The following C8orf34 variants were observed in gnomAD, a reference collection of about 807,000 sequenced individuals.
C8orf34 encodes the protein uncharacterized protein C8orf34.
A neutral mutation model predicts 68.3 loss-of-function variants in C8orf34; 65 were observed. That is an observed-to-expected ratio of 0.95 (90% CI 0.78 to 1.17). The LOEUF is 1.17. Among genes scored for constraint, C8orf34 ranks in the 50% most tolerant of loss-of-function variants. The pLI is 0.00. For synonymous variants in C8orf34, 244 were observed against 241.2 expected, an observed-to-expected ratio of 1.01 and a Z score of -0.11; for missense variants, 664 against 655.4, an observed-to-expected ratio of 1.01 and a Z score of -0.14.
At chr8:68,595,621 C>G (rs940309333) in intron 7 of C8orf34, among the ~76,000 whole-genome samples, 6 of 152,066 alleles carry the variant, frequency 3.9e-5, no homozygotes, top group Admixed American at 3.3e-4. Context: ...AATCTGAGGA[C>G]TTGTATGTTT....
At chr8:68,661,219 G>T (rs927073216) in intron 8 of C8orf34, among the ~76,000 whole-genome samples, 1 of 152,216 alleles carries the variant, frequency 6.6e-6, no homozygotes, top group Non-Finnish European at 1.5e-5. Flanking sequence ...GGGAGCAGAT[G>T]GCAGTCTCTG....
intron 12 of C8orf34, among the ~76,000 whole-genome samples, chr8:68,790,646 T>A (rs1823968570): frequency 6.6e-6 from 1 of 152,218 alleles, no homozygotes; most frequent in African/African-American, 2.4e-5. Context: ...TTTTTTTCTT[T>A]GCTTTTAATT....
rs1040655157 is a variant in C8orf34 at position 68,432,446 on chromosome 8, G to A, written c.328-7053G>A. On this transcript the variant is annotated intron_variant, in intron 1 of 13. Coordinates refer to ENST00000518698, the MANE Select transcript of C8orf34 (RefSeq NM_052958.4). The stretch of plus-strand genomic sequence containing the variant: ...CTGCCTCAGCTTCCCACATAGCTGG[G>A]GTTACAGATGCACACCACCATGGCC... Among the ~76,000 whole-genome samples, 8 of 151,924 alleles carry A rather than the reference G, an allele frequency of 5.3e-5. No individual in the cohort carries two copies. The South Asian group carries it at 8.3e-4, about 16-fold the overall frequency.
intron 10 of C8orf34, among the ~76,000 whole-genome samples, chr8:68,744,728 A>T (rs1304104771): frequency 6.6e-6 from 1 of 152,210 alleles, no homozygotes; most frequent in Non-Finnish European, 1.5e-5. Flanking sequence ...GAAATATGGG[A>T]CTATGTGAAA....
At chr8:68,776,095 C>T (rs953130402) in intron 10 of C8orf34, among the ~76,000 whole-genome samples, 3 of 152,146 alleles carry the variant, frequency 2.0e-5, no homozygotes, top group African/African-American at 7.2e-5. Flanking sequence ...CAGCAAACCA[C>T]CATGGCACAT....
chr8:68,610,391 T>C (rs1436189191), intron 7 of C8orf34, among the ~76,000 whole-genome samples: 1 of 152,178 alleles, frequency 6.6e-6, no homozygotes, highest in Non-Finnish European at 1.5e-5. Context: ...TATGTAGTGA[T>C]TCTCTCAAAT....
chr8:68,535,554 A>G (rs11984521), intron 7 of C8orf34: 5 of 873,948 alleles, frequency 5.7e-6, no homozygotes, highest in African/African-American at 5.5e-5. Context: ...AGTTAGTAAT[A>G]ACTATTGACT....
chr8:68,612,656 A>G (rs529772565), intron 7 of C8orf34, among the ~76,000 whole-genome samples: 1 of 152,300 alleles, frequency 6.6e-6, no homozygotes, highest in African/African-American at 2.4e-5. Context: ...AAGACCTATA[A>G]TATGGCACTA....
intron 1 of C8orf34, among the ~76,000 whole-genome samples, chr8:68,378,914 C>T (rs1049616519): frequency 2.0e-5 from 3 of 152,054 alleles, no homozygotes; most frequent in South Asian, 2.1e-4. Context: ...ACATTAAAAA[C>T]ATCCGGTTAA....
chr8:68,738,496 A>G (rs1822185435), intron 10 of C8orf34, among the ~76,000 whole-genome samples: 1 of 152,104 alleles, frequency 6.6e-6, no homozygotes, highest in Non-Finnish European at 1.5e-5. Flanking sequence ...AGATCAGTGA[A>G]TTCAGGAGTT....
At chr8:68,545,444 A>G (rs1446159609) in intron 7 of C8orf34, among the ~76,000 whole-genome samples, 1 of 152,162 alleles carries the variant, frequency 6.6e-6, no homozygotes, top group Non-Finnish European at 1.5e-5. Context: ...TACATATTAT[A>G]GTCAAACTGC....
intron 10 of C8orf34, among the ~76,000 whole-genome samples, chr8:68,738,719 CCCAAGAATAAA>C (rs1248590811): frequency 1.3e-5 from 2 of 152,016 alleles, no homozygotes; most frequent in African/African-American, 4.8e-5. Context: ...CATACATCCT[CCCAAGAATAAA>C]CCAAGAAGAA....
At chr8:68,418,690 A>G (rs1809794353) in intron 1 of C8orf34, among the ~76,000 whole-genome samples, 1 of 152,204 alleles carries the variant, frequency 6.6e-6, no homozygotes, top group Non-Finnish European at 1.5e-5. Flanking sequence ...ATCTACAACT[A>G]TCTGATCTTT....
At chr8:68,544,957 T>C (rs1815823075) in intron 7 of C8orf34, among the ~76,000 whole-genome samples, 1 of 152,106 alleles carries the variant, frequency 6.6e-6, no homozygotes, top group Admixed American at 6.6e-5. Context: ...AGAAAAATAA[T>C]GGAAAAAAAC....
At position 68,674,773 on chromosome 8, in the gene C8orf34, A is replaced by G. The variant is rs993765860; in HGVS notation, c.1242-34221A>G. ...TTTTCAAACCTAGATAAAGATATCAATGTCCACGTACAAGAAGGTTATAGA... is the reference window on the plus strand; with the variant it reads ...TTTTCAAACCTAGATAAAGATATCAGTGTCCACGTACAAGAAGGTTATAGA... On this transcript the variant is annotated intron_variant, in intron 8 of 13. Transcript: ENST00000518698. Among the ~76,000 whole-genome samples the G allele has an allele frequency of 3.9e-5, 6 of 152,276 alleles. No homozygotes were observed. In the South Asian group the frequency reaches 6.2e-4, roughly 16 times the overall value.
intron 4 of C8orf34, among the ~76,000 whole-genome samples, chr8:68,484,864 A>G (rs1319444674): frequency 6.6e-6 from 1 of 152,252 alleles, no homozygotes; most frequent in Non-Finnish European, 1.5e-5. Context: ...AGAATTACAG[A>G]TAATAGAGTG....
At chr8:68,654,222 A>G (rs1293082305) in intron 8 of C8orf34, among the ~76,000 whole-genome samples, 1 of 152,120 alleles carries the variant, frequency 6.6e-6, no homozygotes, top group Non-Finnish European at 1.5e-5. Flanking sequence ...ACATCACTGG[A>G]CACCAAATCT....
At chr8:68,441,680 A>G (rs779221667) in intron 2 of C8orf34, among the ~76,000 whole-genome samples, 2 of 152,190 alleles carry the variant, frequency 1.3e-5, no homozygotes, top group Non-Finnish European at 2.9e-5. Context: ...TCACTTCTTT[A>G]AAGTCAACAA....
chr8:68,491,752 G>T (rs186982471), intron 5 of C8orf34, among the ~76,000 whole-genome samples: 1 of 152,172 alleles, frequency 6.6e-6, no homozygotes, highest in Non-Finnish European at 1.5e-5. Context: ...TAATTCATTT[G>T]TAATGGAACA....
Sources: gnomAD v4.1 joint callset for allele counts (sites outside exome capture counted in the v4.1 genomes callset) on GRCh38, gnomAD v4.1.1 for gene constraint, MANE v1.5 for transcripts, NCBI Gene and HGNC (gene_info 2026-07-23, HGNC 2026-07-21) for gene names.